The following LSAMP variants were observed in gnomAD, a reference collection of about 807,000 sequenced individuals.
LSAMP encodes the protein limbic system associated membrane protein.
In LSAMP, 7 loss-of-function variants were observed where a neutral mutation model predicts 38.6. The observed-to-expected ratio is 0.18, with a 90% CI of 0.10 to 0.34. The LOEUF (loss-of-function observed/expected upper bound fraction) is 0.34. Among genes scored for constraint, LSAMP ranks in the 10% least tolerant of loss-of-function variants. The pLI, the probability that LSAMP is intolerant of heterozygous loss-of-function variation, is 1.00. For synonymous variants in LSAMP, 154 were observed against 166.8 expected (o/e 0.92, Z 0.59); for missense variants, 313 against 420.0 (o/e 0.75, Z 2.23).
At chr3:116,278,430 T>C (rs2047082661) in intron 1 of LSAMP, among the ~76,000 whole-genome samples, 1 of 152,162 alleles carries the variant, frequency 6.6e-6, no homozygotes, top group Non-Finnish European at 1.5e-5. Flanking sequence ...CAATTCATAA[T>C]ATCATACTCA....
At chr3:116,295,388 T>C (rs2107698908) in intron 1 of LSAMP, among the ~76,000 whole-genome samples, 1 of 152,350 alleles carries the variant, frequency 6.6e-6, no homozygotes, top group Non-Finnish European at 1.5e-5. Context: ...ATTTCCTGAC[T>C]GGCTGGAACT....
chr3:116,106,549 G>T (rs916758791), intron 1 of LSAMP, among the ~76,000 whole-genome samples: 3 of 152,168 alleles, frequency 2.0e-5, no homozygotes, highest in Non-Finnish European at 4.4e-5. Flanking sequence ...TGGTGGCTGA[G>T]CTTGGTGAGG....
chr3:116,034,873 T>A (rs1941012725), intron 2 of LSAMP, among the ~76,000 whole-genome samples: 1 of 152,130 alleles, frequency 6.6e-6, no homozygotes, highest in African/African-American at 2.4e-5. Flanking sequence ...AAGAAAATCT[T>A]CTCCAACATA....
intron 1 of LSAMP, among the ~76,000 whole-genome samples, chr3:116,238,386 C>T (rs2046491740): frequency 6.6e-6 from 1 of 152,108 alleles, no homozygotes; most frequent in Admixed American, 6.5e-5. Context: ...AAAATAGCTG[C>T]CGTTTTGAAA....
chr3:116,058,922 A>G (rs1027015114), intron 2 of LSAMP, among the ~76,000 whole-genome samples: 1 of 141,418 alleles, frequency 7.1e-6, no homozygotes, highest in East Asian at 2.0e-4. Context: ...AACTAGTACA[A>G]GGGTTTTGTT....
chr3:116,079,651 A>G (rs1032160868), intron 2 of LSAMP, among the ~76,000 whole-genome samples: 2 of 151,244 alleles, frequency 1.3e-5, no homozygotes, highest in Non-Finnish European at 2.9e-5. Flanking sequence ...AAAAAAAAAA[A>G]AGAATGAAAG....
chr3:116,019,246 C>A (rs1940571095), intron 3 of LSAMP, among the ~76,000 whole-genome samples: 1 of 151,226 alleles, frequency 6.6e-6, no homozygotes, highest in Non-Finnish European at 1.5e-5. Context: ...TAGATGATAG[C>A]CAGATCTACA....
intron 6 of LSAMP, among the ~76,000 whole-genome samples, chr3:115,823,434 A>T (rs748799731): frequency 5.9e-5 from 9 of 152,222 alleles, no homozygotes; most frequent in Non-Finnish European, 1.2e-4. Context: ...TAACTTGAAC[A>T]TTCTGTAGTA....
intron 2 of LSAMP, among the ~76,000 whole-genome samples, chr3:116,028,081 G>T (rs1043025414): frequency 7.9e-5 from 12 of 152,096 alleles, no homozygotes; most frequent in Non-Finnish European, 1.8e-4. Flanking sequence ...TATGTCACAG[G>T]CTATGAAAGA....
At chr3:115,918,560 C>A (rs773856169) in intron 3 of LSAMP, among the ~76,000 whole-genome samples, 3 of 152,124 alleles carry the variant, frequency 2.0e-5, no homozygotes, top group Non-Finnish European at 4.4e-5. Flanking sequence ...AGCACAGGAA[C>A]CAGCCCCACA....
At chr3:116,411,182 T>A (rs1051766033) in intron 1 of LSAMP, among the ~76,000 whole-genome samples, 1 of 152,142 alleles carries the variant, frequency 6.6e-6, no homozygotes, top group Non-Finnish European at 1.5e-5. Flanking sequence ...TTGGTGGGAC[T>A]GTAAACTAGT....
At chr3:115,844,330 G>A (rs1244930390) in intron 4 of LSAMP, among the ~76,000 whole-genome samples, 2 of 152,162 alleles carry the variant, frequency 1.3e-5, no homozygotes, top group African/African-American at 2.4e-5. Context: ...GTCAAGAAGA[G>A]GAAATTTGAG....
At chr3:116,368,379 G>T (rs1202556078) in intron 1 of LSAMP, 1 of 152,096 alleles carries the variant, frequency 6.6e-6, no homozygotes, top group African/African-American at 2.4e-5. Flanking sequence ...TATTTATGTA[G>T]CTCACCTGTA....
At chr3:116,181,568 C>A (rs1049339891) in intron 1 of LSAMP, among the ~76,000 whole-genome samples, 9 of 152,046 alleles carry the variant, frequency 5.9e-5, no homozygotes, top group African/African-American at 1.9e-4. Context: ...GAAACCCTTG[C>A]AAGTGTTGCA....
chr3:116,296,475 A>G lies in LSAMP; in HGVS notation c.155+148402T>C, dbSNP rs189676205. Among the ~76,000 whole-genome samples, 114 of 152,088 alleles carry G rather than the reference A, an allele frequency of 7.5e-4. 1 individual carries two copies. In the Middle Eastern group the frequency reaches 0.024, roughly 32 times the overall value. The stretch of plus-strand genomic sequence containing the variant: ...GGCAGGCGGATCACCAGGTCAGGAG[A>G]CAGAGACCACCCTGGCTAACACGGT... On this transcript the variant is annotated intron_variant, in intron 1 of 6. Coordinates refer to ENST00000490035, the MANE Select transcript of LSAMP (RefSeq NM_002338.5).
chr3:116,292,106 A>G (rs543116086), intron 1 of LSAMP, among the ~76,000 whole-genome samples: 7 of 152,320 alleles, frequency 4.6e-5, no homozygotes, highest in African/African-American at 1.2e-4. Context: ...TTTAAAATTT[A>G]TCTTTGGTAA....
chr3:116,036,312 A>T (rs1339427976), intron 2 of LSAMP, among the ~76,000 whole-genome samples: 5 of 152,140 alleles, frequency 3.3e-5, no homozygotes, highest in Non-Finnish European at 7.4e-5. Flanking sequence ...TTGGATGTTA[A>T]TGAGTACACA....
At chr3:116,062,670 A>G (rs1941615755) in intron 2 of LSAMP, among the ~76,000 whole-genome samples, 1 of 152,026 alleles carries the variant, frequency 6.6e-6, no homozygotes. Flanking sequence ...CAGAAAATTT[A>G]TTTTTCAAAA....
chr3:115,948,515 C>A (rs1237634271), intron 3 of LSAMP, among the ~76,000 whole-genome samples: 1 of 152,132 alleles, frequency 6.6e-6, no homozygotes, highest in East Asian at 1.9e-4. Context: ...ATTAAATAAT[C>A]TACTCCTGAA....
Sources: allele counts gnomAD v4.1 joint callset (sites outside exome capture counted in the v4.1 genomes callset), GRCh38; gene constraint gnomAD v4.1.1; transcripts MANE v1.5; gene names NCBI Gene and HGNC (gene_info 2026-07-23, HGNC 2026-07-21).